Variants in TTN observed in about 807,000 individuals in gnomAD.
The protein encoded by TTN is connectin.
A neutral mutation model predicts 3,223.0 loss-of-function variants in TTN; 1,525 were observed. The observed-to-expected ratio is 0.47, with a 90% confidence interval of 0.45 to 0.49. TTN has a LOEUF of 0.49. Among genes scored for constraint, TTN ranks in the 20% least tolerant of loss-of-function variants. TTN has a pLI of 0.00. For synonymous variants in TTN, 14,094 were observed against 15,161.0 expected, an observed-to-expected ratio of 0.93 and a Z score of 5.17; for missense variants, 40,786 against 43,424.0, an observed-to-expected ratio of 0.94 and a Z score of 5.40.
rs1215297501 is a variant in TTN at position 178,531,090 on chromosome 2, G to C, written c.105525C>G (p.His35175Gln). ...KGQVLSTSAR[H>Q]QVTTTKYKST... Reference sequence around the variant, plus strand: ...ATTTGTACTTTGTGGTGGTCACTTGGTGGCGGGCAGAAGTACTTAGCACTT... The same window carrying C: ...ATTTGTACTTTGTGGTGGTCACTTGCTGGCGGGCAGAAGTACTTAGCACTT... Residue 35175 changes from histidine (H) to glutamine (Q), a missense_variant, in exon 358 of 363, where the codon CAC becomes CAG. By Grantham distance (24) the His-to-Gln change is conservative (BLOSUM62 0). Coordinates refer to ENST00000589042, the MANE Select transcript of TTN (RefSeq NM_001267550.2). 2 of 1,613,998 alleles carry C rather than the reference G, an allele frequency of 1.2e-6. No individual in the cohort carries two copies. The highest frequency in any genetic ancestry group is 1.7e-6 in the Non-Finnish European group (2 of 1,179,884).
chr2:178,762,702 C>T (rs574847305), intron 43 of TTN, among the ~76,000 whole-genome samples: 1 of 152,260 alleles, frequency 6.6e-6, no homozygotes, highest in Admixed American at 6.5e-5. Flanking sequence ...AATCAGTCCT[C>T]ATTTATTAAT....
At position 178,695,322 on chromosome 2, in the gene TTN, C is replaced by G. The variant is rs980537891; in HGVS notation, c.31270+26G>C. 2.5e-6 allele frequency: 4 copies of G among 1,587,450 alleles called. No homozygotes were observed. In the Admixed American group the frequency reaches 5.0e-5, roughly 20 times the overall value. ...ATGATAATGATGTTGATGCTCTAGT[C>G]TATTTAAATATTTCTAATTACTTAC... On this transcript the variant is annotated intron_variant, in intron 115 of 362. Coordinates refer to ENST00000589042, the MANE Select transcript of TTN (RefSeq NM_001267550.2).
In TTN at chr2:178,683,311, A is replaced by G. The variant is rs958650240; in HGVS notation, c.32807-20T>C. On this transcript the variant is annotated intron_variant, in intron 133 of 362. Transcript: ENST00000589042. ...CAGTCACTTTAAAGGAGTAATTATT[A>G]AAAGTGAATTGCAAGATTCTGAAAA... 7.9e-6 allele frequency: 11 copies of G among 1,401,202 alleles called. No individual in the cohort carries two copies. The African/African-American group carries it at 1.6e-4, about 20-fold the overall frequency. The allele number at this position is 1,401,202 out of a possible 1,614,324, so 86.8% of individuals were successfully genotyped here.
intron 121 of TTN, among the ~76,000 whole-genome samples, 182 bp from the exon 122 acceptor site, chr2:178,690,078 C>A (rs752939058): frequency 6.6e-5 from 10 of 152,120 alleles, no homozygotes; most frequent in Non-Finnish European, 1.5e-4. Flanking sequence ...TGATAAATAT[C>A]ACAAATAATG....
At chr2:178,676,149 G>T in intron 147 of TTN, 154 bp from the exon 148 acceptor site, 1 of 640,830 alleles carries the variant, frequency 1.6e-6, no homozygotes, top group South Asian at 2.1e-5. Context: ...AATGTAATTG[G>T]GATTTGTAAA....
rs1697151144 is a variant in TTN at position 178,546,412 on chromosome 2, C to A, written c.94919G>T (p.Gly31640Val). ...GATAATTTTGGGTTCAGGTTTGCCACCAACTGCAGCATCCAGAACAAGATC... is the reference window on the plus strand; with the variant it reads ...GATAATTTTGGGTTCAGGTTTGCCAACAACTGCAGCATCCAGAACAAGATC... Reference protein sequence around the residue: ...GSDLVLDAAVGGKPEPKIIWT... With the variant: ...GSDLVLDAAVVGKPEPKIIWT... Residue 31640 changes from glycine (G) to valine (V), a missense_variant, in exon 342 of 363, where the codon GGT (glycine) becomes GTT (valine). By Grantham distance (109) the Gly-to-Val change is moderately radical. Coordinates refer to ENST00000589042, the MANE Select transcript of TTN (RefSeq NM_001267550.2). The A allele has an allele frequency of 6.2e-7, 1 of 1,613,612 alleles. No homozygotes were observed. The highest frequency in any genetic ancestry group is 1.7e-5 in the Admixed American group (1 of 59,978).
chr2:178,570,268 A>G lies in TTN; in HGVS notation c.75864T>C (p.Gly25288=). 1.2e-6 allele frequency: 2 copies of G among 1,613,408 alleles called. No individual in the cohort carries two copies. Among genetic ancestry groups the G allele is most frequent in the Non-Finnish European group, 1.7e-6 (2 of 1,179,612 alleles). ...RIMAVNKYGV[G]EPLESEPVVA... is the part of the protein sequence containing the mutation. ...CTACTGGCTCAGATTCAAGAGGTTC[A>G]CCAACACCATATTTGTTTACTGCCA... Residue 25288 remains glycine (G), a synonymous_variant, in exon 326 of 363, where the codon GGT becomes GGC. Transcript: ENST00000589042.
Position 178,565,964 on chromosome 2 carries a change from C to A in TTN, c.80168G>T (p.Arg26723Leu). 6.2e-7 allele frequency: 1 copy of A among 1,613,620 alleles called. No homozygotes were observed. The highest frequency in any genetic ancestry group is 8.5e-7 in the Non-Finnish European group (1 of 1,179,684). Reference sequence around the variant, plus strand: ...AGCATACGCTTTTCTGGTTGACTCACGTTTGTCAATCACATAGTTCTTGAC... The same window carrying A: ...AGCATACGCTTTTCTGGTTGACTCAAGTTTGTCAATCACATAGTTCTTGAC... ...AKVKNYVIDK[R>L]ESTRKAYANV... The change falls in exon 326 of 363, where the codon CGT (arginine) becomes CTT (leucine). Residue 26723 changes from arginine to leucine, a missense_variant. Transcript: ENST00000589042.
rs2076051563 is a variant in TTN, at chr2:178,707,471, A to G, written c.29041+55T>C. The G allele has an allele frequency of 6.0e-6, 9 of 1,508,588 alleles. 1 individual carries two copies. In the South Asian group the frequency reaches 9.9e-5, roughly 17 times the overall value. 93.5% of individuals were successfully genotyped at this position (1,508,588 alleles called of 1,614,324 possible). On this transcript the variant is annotated intron_variant, in intron 100 of 362. Transcript: ENST00000589042. ...TTTCTAGGGAAATCATAATAAGCAA[A>G]TAAACATGAGTGGTTGCTGGCTTGA...
chr2:178,578,130 C>T lies in TTN; in HGVS notation c.68385G>A (p.Lys22795=), dbSNP rs2154174301. Residue 22795 remains lysine, a synonymous_variant, in exon 322 of 363, where the codon AAG becomes AAA. Coordinates refer to ENST00000589042, the MANE Select transcript of TTN (RefSeq NM_001267550.2). ...TAAAGTCTCTCATCCTTATCGGAGTCTTGTTAGCTCTCTTCCACAAAAGGC... is the reference window on the plus strand; with the variant it reads ...TAAAGTCTCTCATCCTTATCGGAGTTTTGTTAGCTCTCTTCCACAAAAGGC... ...RNSLLWKRAN[K]TPIRMRDFKV... is the part of the protein sequence containing the mutation. The T allele has an allele frequency of 6.2e-7, 1 of 1,613,192 alleles. No individual in the cohort carries two copies. Among genetic ancestry groups the T allele is most frequent in the East Asian group, 2.2e-5 (1 of 44,786 alleles).
Position 178,714,671 on chromosome 2 carries a change from G to C in TTN, c.26201-98C>G, listed in dbSNP as rs2077193780. On this transcript the variant is annotated intron_variant, in intron 90 of 362. Coordinates refer to ENST00000589042, the MANE Select transcript of TTN (RefSeq NM_001267550.2). Reference sequence around the variant, plus strand: ...CCGGGAATCAAACTAGTGATAATGTGTTATTTCCATTTAAGAGGCATTTTT... The same window carrying C: ...CCGGGAATCAAACTAGTGATAATGTCTTATTTCCATTTAAGAGGCATTTTT... 2.2e-6 allele frequency: 3 copies of C among 1,338,600 alleles called. No homozygotes were observed. In the South Asian group the frequency reaches 4.6e-5, roughly 21 times the overall value. The allele number at this position is 1,338,600 out of a possible 1,614,324, so 82.9% of individuals were successfully genotyped here. A position where few individuals can be genotyped will look rare whatever the true frequency, so the allele number is the denominator to read the frequency against.
At position 178,799,890 on chromosome 2, in the gene TTN, T is replaced by C. The variant is rs1272658502; in HGVS notation, c.604A>G (p.Lys202Glu). 1 of 1,614,166 alleles carries C rather than the reference T, an allele frequency of 6.2e-7. No homozygotes were observed. Among genetic ancestry groups the C allele is most frequent in the South Asian group, 1.1e-5 (1 of 91,084 alleles). The change falls in exon 5 of 363, where the codon AAA (lysine) becomes GAA (glutamate). Residue 202 changes from lysine (K) to glutamate (E), a missense_variant. Lys to Glu is a moderately conservative substitution (Grantham distance 56). Coordinates refer to ENST00000589042, the MANE Select transcript of TTN (RefSeq NM_001267550.2). Reference sequence around the variant, plus strand: ...GTCGAAACAATTGTCTTTGTCTTTTTAGCAGGTACTTCTTCTTCACCTGTG... The same window carrying C: ...GTCGAAACAATTGTCTTTGTCTTTTCAGCAGGTACTTCTTCTTCACCTGTG... Reference protein sequence around the residue: ...LVQGEEEVPAKKTKTIVSTAQ... With the variant: ...LVQGEEEVPAEKTKTIVSTAQ...
At position 178,621,231 on chromosome 2, in the gene TTN, C is replaced by T. The variant is rs2058223645; in HGVS notation, c.45487G>A (p.Asp15163Asn). 1 of 1,612,160 alleles carries T rather than the reference C, an allele frequency of 6.2e-7. No homozygotes were observed. The highest frequency in any genetic ancestry group is 8.5e-7 in the Non-Finnish European group (1 of 1,179,078). ...KRDDKTLESG[D>N]KYDVIADGKK... Reference sequence around the variant, plus strand: ...CCATCAGCAATAACGTCATATTTATCTCCAGATTCAAGTGTCTTATCATCC... The same window carrying T: ...CCATCAGCAATAACGTCATATTTATTTCCAGATTCAAGTGTCTTATCATCC... The change falls in exon 246 of 363, where the codon GAT (aspartate) becomes AAT (asparagine). Residue 15163 changes from aspartate to asparagine, a missense_variant. By Grantham distance (23) the Asp-to-Asn change is conservative. Coordinates refer to ENST00000589042, the MANE Select transcript of TTN (RefSeq NM_001267550.2).
In TTN at chr2:178,546,004, G is replaced by A. The variant is rs267599026; in HGVS notation, c.95232C>T (p.Ile31744=). 6.8e-6 allele frequency: 11 copies of A among 1,613,660 alleles called. No homozygotes were observed. The highest frequency in any genetic ancestry group is 4.0e-5 in the African/African-American group (3 of 74,892). Residue 31744 remains isoleucine (I), a synonymous_variant, in exon 343 of 363, where the codon ATC becomes ATT. Coordinates refer to ENST00000589042, the MANE Select transcript of TTN (RefSeq NM_001267550.2). ...GCCTGCTAGTCTCGCGTCTTTCCAC[G>A]ATGTAGTGAGTGATTTCTGCTCCTC... is the stretch of plus-strand genomic sequence containing the variant. ...EDGGAEITHY[I]VERRETSRLN... is the part of the protein sequence containing the mutation.
chr2:178,650,279 G>A lies in TTN; in HGVS notation c.39710-8C>T, dbSNP rs375810467. On this transcript the variant is annotated splice_region_variant and splice_polypyrimidine_tract_variant and intron_variant, in intron 209 of 362. Coordinates refer to ENST00000589042, the MANE Select transcript of TTN (RefSeq NM_001267550.2). The stretch of plus-strand genomic sequence containing the variant: ...CCTCAGGTTCTTCATATACTTTAAA[G>A]ATATTAGTTAATTTTATTTCAATGT... The A allele has an allele frequency of 1.3e-6, 2 of 1,552,020 alleles. No individual in the cohort carries two copies. The highest frequency in any genetic ancestry group is 2.4e-5 in the South Asian group (2 of 83,164).
intron 49 of TTN, chr2:178,737,174 C>CTTGCTACT (rs1417088779): frequency 6.6e-6 from 1 of 152,036 alleles, no homozygotes; most frequent in Non-Finnish European, 1.5e-5. Context: ...GGAAGAAAAG[C>CTTGCTACT]TTGCTACTAA....
intron 319 of TTN, 45 bp from the exon 320 acceptor site, chr2:178,579,438 C>A (rs1214498900): frequency 1.3e-6 from 2 of 1,557,810 alleles, no homozygotes; most frequent in Non-Finnish European, 8.6e-7. Flanking sequence ...TAAGGCCAGG[C>A]GATTAACTTT....
At position 178,533,000 on chromosome 2, in the gene TTN, G is replaced by C; in HGVS notation, c.103615C>G (p.Pro34539Ala). 1 of 1,613,854 alleles carries C rather than the reference G, an allele frequency of 6.2e-7. No homozygotes were observed. The highest frequency in any genetic ancestry group is 8.5e-7 in the Non-Finnish European group (1 of 1,179,844). ...EKKEERKLRM[P>A]YDVPEPRKYK... ...TTGCGTGGCTCTGGTACATCATAAG[G>C]CATCCGGAGTTTTCTCTCCTCCTTC... is the stretch of plus-strand genomic sequence containing the variant. The change falls in exon 358 of 363, where the codon CCT (proline) becomes GCT (alanine). Residue 34539 changes from proline (P) to alanine (A), a missense_variant. Pro to Ala is a conservative substitution (Grantham distance 27). Transcript: ENST00000589042.
chr2:178,701,620 C>A, intron 109 of TTN, 33 bp from the exon 110 acceptor site: 1 of 1,599,450 alleles, frequency 6.3e-7, no homozygotes, highest in Non-Finnish European at 8.6e-7. Context: ...CATAGAGAGA[C>A]TGAGAACAAG....
Sources: allele counts gnomAD v4.1 joint callset (sites outside exome capture counted in the v4.1 genomes callset), GRCh38; gene constraint gnomAD v4.1.1; transcripts MANE v1.5; gene names NCBI Gene and HGNC (gene_info 2026-07-23, HGNC 2026-07-21).